The following ATP8B2 variants were observed in gnomAD, a reference collection of about 807,000 sequenced individuals.
ATP8B2 encodes phospholipid-transporting ATPase ID.
In ATP8B2, 70 loss-of-function variants were observed where a neutral mutation model predicts 133.4. The observed-to-expected ratio is 0.52, with a 90% confidence interval of 0.43 to 0.64. The LOEUF (loss-of-function observed/expected upper bound fraction) is 0.64. Ranked by LOEUF, ATP8B2 falls within the 30% of genes least tolerant of loss-of-function variation. ATP8B2 has a pLI of 0.00. For synonymous variants in ATP8B2, 517 were observed against 589.5 expected, an observed-to-expected ratio of 0.88 and a Z score of 1.78; for missense variants, 1,101 against 1,535.7, an observed-to-expected ratio of 0.72 and a Z score of 4.73.
At chr1:154,342,578 T>G in intron 14 of ATP8B2, 55 bp downstream of exon 14, 2 of 1,556,790 alleles carry the variant, frequency 1.3e-6, no homozygotes, top group Non-Finnish European at 8.9e-7. Flanking sequence ...GCCTGGCCAG[T>G]AACAGTGTAG....
chr1:154,326,298 C>A (rs1685786794), intron 1 of ATP8B2, among the ~76,000 whole-genome samples: 1 of 152,138 alleles, frequency 6.6e-6, no homozygotes, highest in Non-Finnish European at 1.5e-5. Context: ...GTTTCCCTGA[C>A]CTGCCATCCT....
chr1:154,343,394 T>C lies in ATP8B2; in HGVS notation c.1643-59T>C. ...CCGGGTGACTCTTGATGTGTTTATGTTGGGGGTCTTTGCCTGTCTGAATTT... is the reference window on the plus strand; with the variant it reads ...CCGGGTGACTCTTGATGTGTTTATGCTGGGGGTCTTTGCCTGTCTGAATTT... On this transcript the variant is annotated intron_variant, in intron 16 of 27. Coordinates refer to ENST00000368489, the MANE Select transcript of ATP8B2 (RefSeq NM_001370597.1). This position sits in a 1 kb window ranked among gnomAD's most constrained non-coding sequence, Gnocchi z 5.8. The C allele has an allele frequency of 6.2e-7, 1 of 1,604,532 alleles. No individual in the cohort carries two copies.
Position 154,344,640 on chromosome 1 carries a change from G to A in ATP8B2, c.2142-1G>A. On this transcript the variant is annotated splice_acceptor_variant, in intron 20 of 27. Transcript: ENST00000368489. LOFTEE classifies it high-confidence loss of function. This position sits in a 1 kb window ranked among gnomAD's most constrained non-coding sequence, Gnocchi z 4.1. ...CAACCGTATCATTTCCACCTCGACA[G>A]GAAAGCCCGGGAGAAGATGATGGAC... 1 of 1,607,350 alleles carries A rather than the reference G, an allele frequency of 6.2e-7. No individual in the cohort carries two copies. The highest frequency in any genetic ancestry group is 1.1e-5 in the South Asian group (1 of 90,984).
intron 11 of ATP8B2, among the ~76,000 whole-genome samples, chr1:154,335,649 C>T (rs113880268): frequency 1.3e-5 from 2 of 152,026 alleles, no homozygotes; most frequent in African/African-American, 4.8e-5. Flanking sequence ...TAGGATCATG[C>T]CACTGCACTC....
rs1477905746 is a variant in ATP8B2, at chr1:154,343,751, C to A, written c.1759-142C>A. On this transcript the variant is annotated intron_variant, in intron 17 of 27. Coordinates refer to ENST00000368489, the MANE Select transcript of ATP8B2 (RefSeq NM_001370597.1). The surrounding 1 kb of genome is among the most constrained non-coding windows in gnomAD (Gnocchi z 5.8). Reference sequence around the variant, plus strand: ...CATCAGCCAGCTCCCATAGTTACCTCTTTTTATGTATGTGGTGACAGTCCC... The same window carrying A: ...CATCAGCCAGCTCCCATAGTTACCTATTTTTATGTATGTGGTGACAGTCCC... 1 of 1,128,648 alleles carries A rather than the reference C, an allele frequency of 8.9e-7. No homozygotes were observed. The highest frequency in any genetic ancestry group is 2.6e-5 in the Admixed American group (1 of 38,818). The allele number at this position is 1,128,648 out of a possible 1,614,324, so 69.9% of individuals were successfully genotyped here. A position where few individuals can be genotyped will look rare whatever the true frequency, so the allele number is the denominator to read the frequency against.
At position 154,348,974 on chromosome 1, in the gene ATP8B2, T is replaced by C; in HGVS notation, c.3429T>C (p.Ser1143=). The C allele has an allele frequency of 6.2e-7, 1 of 1,614,260 alleles. No individual in the cohort carries two copies. Among genetic ancestry groups the C allele is most frequent in the Non-Finnish European group, 8.5e-7 (1 of 1,180,044 alleles). Reference sequence around the variant, plus strand: ...AGGGCTTCGGGGAGCTCATCATGTCTGGCAAGAACATGCGGCTGAGCTCTC... The same window carrying C: ...AGGGCTTCGGGGAGCTCATCATGTCCGGCAAGAACATGCGGCTGAGCTCTC... The part of the protein sequence containing the change: ...HQEGFGELIM[S]GKNMRLSSLA... The change falls in exon 28 of 28, where the codon TCT becomes TCC. Residue 1143 remains serine, a synonymous_variant. Coordinates refer to ENST00000368489, the MANE Select transcript of ATP8B2 (RefSeq NM_001370597.1).
Position 154,343,449 on chromosome 1 carries a change from A to G in ATP8B2, c.1643-4A>G. ...GGCACTTTCTTCACCTGCCCCATTC[A>G]TAGTGCGGAATCCAGAGGGGAAGAT... is the stretch of plus-strand genomic sequence containing the variant. On this transcript the variant is annotated splice_polypyrimidine_tract_variant and splice_region_variant and intron_variant, in intron 16 of 27. Coordinates refer to ENST00000368489, the MANE Select transcript of ATP8B2 (RefSeq NM_001370597.1). This position sits in a 1 kb window ranked among gnomAD's most constrained non-coding sequence, Gnocchi z 5.8. 1 of 1,613,902 alleles carries G rather than the reference A, an allele frequency of 6.2e-7. No individual in the cohort carries two copies. The highest frequency in any genetic ancestry group is 8.5e-7 in the Non-Finnish European group (1 of 1,179,862).
Position 154,334,586 on chromosome 1 carries a change from C to T in ATP8B2, c.832C>T (p.Leu278Phe). 1 of 1,613,476 alleles carries T rather than the reference C, an allele frequency of 6.2e-7. No individual in the cohort carries two copies. Among genetic ancestry groups the T allele is most frequent in the South Asian group, 1.1e-5 (1 of 91,042 alleles). ...CGATCGCCTAATGAATACCCTGGTG[C>T]TCTGGGTGAGGCGCCCCACATCTGG... The part of the protein sequence containing the change: ...SIDRLMNTLV[L>F]WIFGFLVCMG... The change falls in exon 11 of 28, where the codon CTC (leucine) becomes TTC (phenylalanine). Residue 278 changes from leucine to phenylalanine, a missense_variant. Transcript: ENST00000368489. The surrounding 1 kb of genome is among the most constrained non-coding windows in gnomAD (Gnocchi z 4.6).
At position 154,331,941 on chromosome 1, in the gene ATP8B2, T is replaced by A. The variant is rs1215335754; in HGVS notation, c.439-13T>A. 6.2e-7 allele frequency: 1 copy of A among 1,612,678 alleles called. No homozygotes were observed. The highest frequency in any genetic ancestry group is 1.7e-5 in the Admixed American group (1 of 60,018). ...TTTGCATATTTGGACTTCTCATTAG[T>A]TTTTCTCTCTAGGCGGATCTCCTCC... On this transcript the variant is annotated splice_polypyrimidine_tract_variant and intron_variant, in intron 7 of 27. Transcript: ENST00000368489. The surrounding 1 kb of genome is among the most constrained non-coding windows in gnomAD (Gnocchi z 4.8).
intron 1 of ATP8B2, among the ~76,000 whole-genome samples, chr1:154,327,305 G>A (rs188834418): frequency 2.0e-5 from 3 of 152,294 alleles, no homozygotes; most frequent in Admixed American, 6.5e-5. Flanking sequence ...GCTCTGCCTT[G>A]TAAGGCCAGG....
intron 9 of ATP8B2, 142 bp from the exon 10 acceptor site, chr1:154,333,965 A>T: frequency 9.8e-7 from 1 of 1,017,056 alleles, no homozygotes; most frequent in Non-Finnish European, 1.5e-6. Flanking sequence ...GAGTTGCATC[A>T]GCTCACACTC....
chr1:154,328,666 T>A lies in ATP8B2; in HGVS notation c.31+494T>A, dbSNP rs1426712718. 1 of 614,616 alleles carries A rather than the reference T, an allele frequency of 1.6e-6. No individual in the cohort carries two copies. Among genetic ancestry groups the A allele is most frequent in the African/African-American group, 2.0e-5 (1 of 50,432 alleles). 38.1% of individuals were successfully genotyped at this position (614,616 alleles called of 1,614,324 possible). On this transcript the variant is annotated intron_variant, in intron 2 of 27. Coordinates refer to ENST00000368489, the MANE Select transcript of ATP8B2 (RefSeq NM_001370597.1). The surrounding 1 kb of genome is among the most constrained non-coding windows in gnomAD (Gnocchi z 4.6). ...GCGAGCTTTCGCCTACGCGGCGCGC[T>A]GGCAGGCTGCGGCTCCTGCAGTCGG...
chr1:154,349,572 C>G lies in ATP8B2; in HGVS notation c.*454C>G, dbSNP rs1414177035. 4.1e-5 allele frequency: 7 copies of G among 169,960 alleles called. No homozygotes were observed. The highest frequency in any genetic ancestry group is 1.7e-4 in the African/African-American group (7 of 42,110). The allele number at this position is 169,960 out of a possible 1,614,324, so 10.5% of individuals were successfully genotyped here. On this transcript the variant is annotated 3_prime_UTR_variant, in exon 28 of 28. Transcript: ENST00000368489. ...CAGAGACCTGCAGGGGCCTCGGCCC[C>G]TCACATCGTGTATGTCTCTCCTTGA...
intron 1 of ATP8B2, chr1:154,327,846 TCTC>T (rs1685844371): frequency 6.2e-7 from 1 of 1,613,728 alleles, no homozygotes; most frequent in Non-Finnish European, 8.5e-7. Context: ...TCTGGCCTCT[TCTC>T]CTTTCCCTAC....
chr1:154,344,554 T>A lies in ATP8B2; in HGVS notation c.2141+54T>A, dbSNP rs1453747804. 6.2e-7 allele frequency: 1 copy of A among 1,612,712 alleles called. No homozygotes were observed. Among genetic ancestry groups the A allele is most frequent in the Non-Finnish European group, 8.5e-7 (1 of 1,179,206 alleles). ...CTGTGCGTTGTGCCCAGGGCTCAGG[T>A]GGGGGTTTCTGGACCATTTAGACTT... On this transcript the variant is annotated intron_variant, in intron 20 of 27. Coordinates refer to ENST00000368489, the MANE Select transcript of ATP8B2 (RefSeq NM_001370597.1). This position sits in a 1 kb window ranked among gnomAD's most constrained non-coding sequence, Gnocchi z 4.1.
chr1:154,328,811 C>T lies in ATP8B2; in HGVS notation c.31+639C>T, dbSNP rs1322429167. 4.8e-6 allele frequency: 5 copies of T among 1,034,096 alleles called. No homozygotes were observed. In the East Asian group the frequency reaches 3.2e-4, roughly 67 times the overall value. 64.1% of individuals were successfully genotyped at this position (1,034,096 alleles called of 1,614,324 possible). A position where few individuals can be genotyped will look rare whatever the true frequency, so the allele number is the denominator to read the frequency against. ...GGCGGCGCAGCTGAGCTCGCGGTGT[C>T]CCCGAGCGCCGGCGGCCGGGAGGAT... On this transcript the variant is annotated intron_variant, in intron 2 of 27. Transcript: ENST00000368489. This position sits in a 1 kb window ranked among gnomAD's most constrained non-coding sequence, Gnocchi z 4.6.
intron 27 of ATP8B2, 67 bp downstream of exon 27, chr1:154,348,605 C>CT (rs1043022500): frequency 3.9e-5 from 61 of 1,577,776 alleles, no homozygotes; most frequent in Non-Finnish European, 4.7e-5. Context: ...CATGTGAACA[C>CT]TGGGGGGCTC....
Position 154,344,610 on chromosome 1 carries a change from G to A in ATP8B2, c.2142-31G>A, listed in dbSNP as rs770597489. The A allele has an allele frequency of 6.2e-7, 1 of 1,607,392 alleles. No individual in the cohort carries two copies. Among genetic ancestry groups the A allele is most frequent in the Non-Finnish European group, 8.5e-7 (1 of 1,174,434 alleles). ...CCTGCTCCCCACTGCCGTTCTGGAA[G>A]ACCACAACCGTATCATTTCCACCTC... On this transcript the variant is annotated intron_variant, in intron 20 of 27. Coordinates refer to ENST00000368489, the MANE Select transcript of ATP8B2 (RefSeq NM_001370597.1). The surrounding 1 kb of genome is among the most constrained non-coding windows in gnomAD (Gnocchi z 4.1).
In ATP8B2 at chr1:154,330,927, A is replaced by C; in HGVS notation, c.203A>C (p.Gln68Pro). Reference sequence around the variant, plus strand: ...TACTTCCTGTTCCTCCTCATTCTGCAGGTAGGTGACCCATAGTAGATTTTT... The same window carrying C: ...TACTTCCTGTTCCTCCTCATTCTGCCGGTAGGTGACCCATAGTAGATTTTT... ...NTYFLFLLIL[Q>P]LIPQISSLSW... Residue 68 changes from glutamine (Q) to proline (P), a missense_variant and splice_region_variant, in exon 4 of 28, where the codon CAG becomes CCG. Gln to Pro is a moderately conservative substitution (Grantham distance 76). Coordinates refer to ENST00000368489, the MANE Select transcript of ATP8B2 (RefSeq NM_001370597.1). The C allele has an allele frequency of 6.2e-7, 1 of 1,612,912 alleles. No homozygotes were observed. Among genetic ancestry groups the C allele is most frequent in the Non-Finnish European group, 8.5e-7 (1 of 1,178,958 alleles).
Sources: allele counts gnomAD v4.1 joint callset (sites outside exome capture counted in the v4.1 genomes callset), GRCh38; gene constraint gnomAD v4.1.1; non-coding constraint Gnocchi (gnomAD v3.1); transcripts MANE v1.5; gene names NCBI Gene and HGNC (gene_info 2026-07-23, HGNC 2026-07-21).